EGFR: variants seen among roughly 807,000 people sequenced by gnomAD.
EGFR encodes the protein epidermal growth factor receptor, also known as avian erythroblastic leukemia viral (v-erb-b) oncogene homolog.
EGFR carries 58 observed loss-of-function variants against 143.0 expected under a neutral mutation model. That is an observed-to-expected ratio of 0.41 (90% CI 0.33 to 0.50). The LOEUF is 0.50. Among genes scored for constraint, EGFR ranks in the 20% least tolerant of loss-of-function variants. The pLI, the probability that EGFR is intolerant of heterozygous loss-of-function variation, is 0.39. For synonymous variants in EGFR, 613 were observed against 594.4 expected, an observed-to-expected ratio of 1.03 and a Z score of -0.45; for missense variants, 1,307 against 1,579.0, an observed-to-expected ratio of 0.83 and a Z score of 2.92.
chr7:55,204,357 C>T (rs1017564281), intron 27 of EGFR, among the ~76,000 whole-genome samples: 3 of 146,692 alleles, frequency 2.0e-5, no homozygotes, highest in Non-Finnish European at 4.5e-5. Flanking sequence ...TGCACACATA[C>T]ACACCAACAC....
rs558185936 is a variant in EGFR at position 55,089,709 on chromosome 7, C to T, written c.89-52577C>T. The stretch of plus-strand genomic sequence containing the variant: ...CCAGTTGTCTCAAAAATGTGTTTTC[C>T]ATTGTGGTTTGTCTGAAACATGATC... On this transcript the variant is annotated intron_variant, in intron 1 of 27. Coordinates refer to ENST00000275493, the MANE Select transcript of EGFR (RefSeq NM_005228.5). Among the ~76,000 whole-genome samples, 8 of 152,272 alleles carry T rather than the reference C, an allele frequency of 5.3e-5. No individual in the cohort carries two copies. In the South Asian group the frequency reaches 1.7e-3, roughly 32 times the overall value.
rs17335794 is a variant in EGFR, at chr7:55,043,408, G to A, written c.88+24043G>A. Among the ~76,000 whole-genome samples, 1,047 of 152,262 alleles carry A rather than the reference G, an allele frequency of 6.9e-3. 9 individuals carry two copies. Among genetic ancestry groups the A allele is most frequent in the Middle Eastern group, 0.031 (9 of 294 alleles). ...GAGTCTCACTTTGTCACCCAGGCTG[G>A]AGTGCAGTGGTGTGATCTCAGCTCA... is the stretch of plus-strand genomic sequence containing the variant. On this transcript the variant is annotated intron_variant, in intron 1 of 27. Transcript: ENST00000275493.
chr7:55,075,812 A>C (rs1790103927), intron 1 of EGFR, among the ~76,000 whole-genome samples: 1 of 152,206 alleles, frequency 6.6e-6, no homozygotes, highest in Non-Finnish European at 1.5e-5. Context: ...AGATTGCACA[A>C]AAATCCATGC....
chr7:55,075,873 AG>A (rs1258771699), intron 1 of EGFR, among the ~76,000 whole-genome samples: 1 of 152,228 alleles, frequency 6.6e-6, no homozygotes, highest in Non-Finnish European at 1.5e-5. Flanking sequence ...GCATTAAATT[AG>A]ATGGGCTGGC....
chr7:55,066,858 A>C (rs1242211357), intron 1 of EGFR, among the ~76,000 whole-genome samples: 2 of 152,246 alleles, frequency 1.3e-5, no homozygotes, highest in Admixed American at 6.5e-5. Context: ...ACAATGATAC[A>C]GCTACATAAA....
intron 1 of EGFR, among the ~76,000 whole-genome samples, chr7:55,105,209 G>A (rs1345911481): frequency 2.6e-5 from 4 of 152,190 alleles, no homozygotes; most frequent in African/African-American, 9.6e-5. Context: ...AGGCAAGAAT[G>A]ATACATTCAT....
intron 23 of EGFR, among the ~76,000 whole-genome samples, chr7:55,199,877 C>A (rs1345241791): frequency 6.6e-6 from 1 of 152,176 alleles, no homozygotes; most frequent in Non-Finnish European, 1.5e-5. Context: ...GGGCCCAGTC[C>A]CAACCCCAAA....
intron 19 of EGFR, chr7:55,180,963 A>G: frequency 2.2e-6 from 1 of 446,244 alleles, no homozygotes; most frequent in South Asian, 2.3e-5. Flanking sequence ...TTCATAACAA[A>G]GATACTATCA....
At chr7:55,170,732 T>C in intron 15 of EGFR, 3 of 1,487,512 alleles carry the variant, frequency 2.0e-6, no homozygotes, top group Non-Finnish European at 2.7e-6. Flanking sequence ...TGCCAGATGA[T>C]TGTTCAAAGC....
rs1368101280 is a variant in EGFR at position 55,207,541 on chromosome 7, G to A, written c.*1924G>A. On this transcript the variant is annotated 3_prime_UTR_variant, in exon 28 of 28. Coordinates refer to ENST00000275493, the MANE Select transcript of EGFR (RefSeq NM_005228.5). ...GCACTGTGAGAGCACAGAGCAGGGAGGTTGGGTCCTGCCTGAGGAGACCTG... is the reference window on the plus strand; with the variant it reads ...GCACTGTGAGAGCACAGAGCAGGGAAGTTGGGTCCTGCCTGAGGAGACCTG... 2 of 175,588 alleles carry A rather than the reference G, an allele frequency of 1.1e-5. No individual in the cohort carries two copies. Among genetic ancestry groups the A allele is most frequent in the African/African-American group, 4.7e-5 (2 of 42,224 alleles). 10.9% of individuals were successfully genotyped at this position (175,588 alleles called of 1,614,324 possible).
At chr7:55,116,880 C>T (rs1203066375) in intron 1 of EGFR, among the ~76,000 whole-genome samples, 1 of 152,234 alleles carries the variant, frequency 6.6e-6, no homozygotes, top group East Asian at 1.9e-4. Context: ...GAGAATACCA[C>T]ACTGCGTTCG....
rs547094896 is a variant in EGFR, at chr7:55,185,945, C to A, written c.2469+4467C>A. Among the ~76,000 whole-genome samples the A allele has an allele frequency of 9.2e-5, 14 of 152,336 alleles. No homozygotes were observed. In the East Asian group the frequency reaches 2.7e-3, roughly 29 times the overall value. ...AGTCCATTTTAAAAAGCCCTAGGTG[C>A]TTTCACGGCTCTGCTACTGACAAGA... On this transcript the variant is annotated intron_variant, in intron 20 of 27. Transcript: ENST00000275493.
rs564398642 is a variant in EGFR at position 55,161,553 on chromosome 7, C to T, written c.1553C>T (p.Pro518Leu). The change falls in exon 13 of 28, where the codon CCG becomes CTG. Residue 518 changes from proline (P) to leucine (L), a missense_variant. Coordinates refer to ENST00000275493, the MANE Select transcript of EGFR (RefSeq NM_005228.5). ...ALCSPEGCWG[P>L]EPRDCVSCRN... is the part of the protein sequence containing the mutation. ...TGCTCCCCCGAGGGCTGCTGGGGCC[C>T]GGAGCCCAGGGACTGCGTCTCTTGC... 56 of 1,614,256 alleles carry T rather than the reference C, an allele frequency of 3.5e-5. 1 individual carries two copies. In the South Asian group the frequency reaches 5.5e-4, roughly 16 times the overall value.
At chr7:55,152,969 G>A (rs1028066539) in intron 6 of EGFR, among the ~76,000 whole-genome samples, 1 of 152,198 alleles carries the variant, frequency 6.6e-6, no homozygotes, top group Non-Finnish European at 1.5e-5. Flanking sequence ...TTAGGACCTG[G>A]GCACAGAACA....
At chr7:55,071,028 C>A (rs375743961) in intron 1 of EGFR, among the ~76,000 whole-genome samples, 68 of 152,382 alleles carry the variant, frequency 4.5e-4, no homozygotes, top group African/African-American at 1.5e-3. Context: ...CCAAACGCCG[C>A]TAGCAGGAGG....
In EGFR at chr7:55,191,796, G is replaced by T. The variant is rs1433831615; in HGVS notation, c.2547G>T (p.Gln849His). ...AARNVLVKTP[Q>H]HVKITDFGLA... ...GGAACGTACTGGTGAAAACACCGCA[G>T]CATGTCAAGATCACAGATTTTGGGC... is the stretch of plus-strand genomic sequence containing the variant. Residue 849 changes from glutamine (Q) to histidine (H), a missense_variant, in exon 21 of 28, where the codon CAG becomes CAT. Physicochemically the swap from Gln to His is conservative, Grantham distance 24 (BLOSUM62 0). Around this residue, in one of 7 missense-constraint regions of EGFR, gnomAD observed 348 missense variants for 451.5 expected, o/e 0.77. Transcript: ENST00000275493. 1.2e-6 allele frequency: 2 copies of T among 1,614,128 alleles called. No homozygotes were observed. Among genetic ancestry groups the T allele is most frequent in the South Asian group, 1.1e-5 (1 of 91,076 alleles).
Position 55,146,676 on chromosome 7 carries a change from G to A in EGFR, c.495G>A (p.Arg165=), listed in dbSNP as rs2128929524. The A allele has an allele frequency of 6.2e-7, 1 of 1,614,076 alleles. No individual in the cohort carries two copies. The highest frequency in any genetic ancestry group is 1.1e-5 in the South Asian group (1 of 91,072). Residue 165 remains arginine, a synonymous_variant, in exon 4 of 28, where the codon CGG becomes CGA. Coordinates refer to ENST00000275493, the MANE Select transcript of EGFR (RefSeq NM_005228.5). ...GCAACGTGGAGAGCATCCAGTGGCGGGACATAGTCAGCAGTGACTTTCTCA... is the reference window on the plus strand; with the variant it reads ...GCAACGTGGAGAGCATCCAGTGGCGAGACATAGTCAGCAGTGACTTTCTCA... ...ALCNVESIQW[R]DIVSSDFLSN...
intron 1 of EGFR, among the ~76,000 whole-genome samples, chr7:55,036,287 G>GGGT (rs1787579409): frequency 4.5e-5 from 2 of 44,804 alleles, no homozygotes; most frequent in Non-Finnish European, 8.5e-5. Flanking sequence ...GGGGGGGGTG[G>GGGT]GTGTGTGTGT....
At position 55,163,716 on chromosome 7, in the gene EGFR, C is replaced by A; in HGVS notation, c.1632-17C>A. The A allele has an allele frequency of 6.2e-7, 1 of 1,612,788 alleles. No individual in the cohort carries two copies. Among genetic ancestry groups the A allele is most frequent in the South Asian group, 1.1e-5 (1 of 91,050 alleles). ...GTCTCAGGGGTGGGCTGACGGGTTT[C>A]CTCTTCCTCCTCTCAGTGAGCCAAG... On this transcript the variant is annotated splice_polypyrimidine_tract_variant and intron_variant, in intron 13 of 27. Transcript: ENST00000275493.
Sources: allele counts gnomAD v4.1 joint callset (sites outside exome capture counted in the v4.1 genomes callset), GRCh38; gene constraint gnomAD v4.1.1; regional missense constraint gnomAD v4.1.1; transcripts MANE v1.5; gene names NCBI Gene and HGNC (gene_info 2026-07-23, HGNC 2026-07-21).